PDIA2: variants seen among roughly 807,000 people sequenced by gnomAD.
PDIA2 encodes protein disulfide isomerase family A member 2, also known as protein disulfide-isomerase A2.
PDIA2 carries 76 observed loss-of-function variants against 51.1 expected under a neutral mutation model. The observed-to-expected ratio is 1.49, with a 90% confidence interval of 1.24 to 1.80. The LOEUF is 1.80. PDIA2 is among the 40% of genes most tolerant of loss of function. The pLI is 0.00. For missense variants in PDIA2, 946 were observed against 706.5 expected, an observed-to-expected ratio of 1.34 and a Z score of -3.84; for synonymous variants, 429 against 309.9, an observed-to-expected ratio of 1.38 and a Z score of -4.04.
Position 285,558 on chromosome 16 carries a change from A to G in PDIA2, c.974A>G (p.Tyr325Cys). ...GCCGACAATGAGCACGTGCTGCAGTACTTTGGACTCAAGGCTGAGGCAGCC... is the reference window on the plus strand; with the variant it reads ...GCCGACAATGAGCACGTGCTGCAGTGCTTTGGACTCAAGGCTGAGGCAGCC... ...VAADNEHVLQYFGLKAEAAPT... is the reference protein window; with the variant it reads ...VAADNEHVLQCFGLKAEAAPT... Residue 325 changes from tyrosine to cysteine, a missense_variant, in exon 7 of 11, where the codon TAC becomes TGC. By Grantham distance (194) the Tyr-to-Cys change is radical (BLOSUM62 -2). Coordinates refer to ENST00000219406, the MANE Select transcript of PDIA2 (RefSeq NM_006849.4). 1 of 1,613,042 alleles carries G rather than the reference A, an allele frequency of 6.2e-7. No individual in the cohort carries two copies.
rs1031317767 is a variant in PDIA2 at position 284,735 on chromosome 16, G to A, written c.483G>A (p.Glu161=). ...VGPSAMRLED[E]AAAQALIGGR... The stretch of plus-strand genomic sequence containing the variant: ...CCAGTGCCATGCGGCTGGAGGACGA[G>A]GCGGCCGCCCAGGCGCTGATCGGTG... The change falls in exon 3 of 11, where the codon GAG becomes GAA. Residue 161 remains glutamate, a synonymous_variant. Transcript: ENST00000219406. 6.4e-7 allele frequency: 1 copy of A among 1,564,032 alleles called. No homozygotes were observed. Among genetic ancestry groups the A allele is most frequent in the South Asian group, 1.2e-5 (1 of 85,026 alleles).
rs905325415 is a variant in PDIA2, at chr16:286,670, C to A, written c.1357C>A (p.Leu453Met). The change falls in exon 9 of 11, where the codon CTG becomes ATG. Residue 453 changes from leucine to methionine, a missense_variant. Leu to Met is a conservative substitution (Grantham distance 15, BLOSUM62 2). Coordinates refer to ENST00000219406, the MANE Select transcript of PDIA2 (RefSeq NM_006849.4). ...IAELDATANE[L>M]DAFAVHGFPT... ...TGAGCTGGATGCCACGGCCAACGAG[C>A]TGGATGCCTTCGCTGTGCACGGCTT... is the stretch of plus-strand genomic sequence containing the variant. 4 of 1,612,906 alleles carry A rather than the reference C, an allele frequency of 2.5e-6. No homozygotes were observed. The highest frequency in any genetic ancestry group is 3.4e-6 in the Non-Finnish European group (4 of 1,179,968).
At chr16:283,841 A>G (rs1414610100) in intron 1 of PDIA2, among the ~76,000 whole-genome samples, 1 of 152,174 alleles carries the variant, frequency 6.6e-6, no homozygotes, top group Non-Finnish European at 1.5e-5. Context: ...CCCCAGCCAT[A>G]CAAGGCACGA....
Position 284,176 on chromosome 16 carries a change from A to AG in PDIA2, c.200-204dup, listed in dbSNP as rs947460728. ...AGCCACTGAGCCTGGCTGTGGGGGG[A>AG]GGGGGGGTGGTCTTTCAAGCTCTCC... On this transcript the variant is annotated intron_variant, in intron 1 of 10. Transcript: ENST00000219406. 3.2e-4 allele frequency: 188 copies of AG among 580,366 alleles called. 1 individual carries two copies. Among genetic ancestry groups the AG allele is most frequent in the African/African-American group, 6.0e-4 (31 of 51,998 alleles). 36.0% of individuals were successfully genotyped at this position (580,366 alleles called of 1,614,324 possible).
At chr16:287,007 AGGGGCGGGGG>A in intron 10 of PDIA2, 52 bp from the exon 11 acceptor site, 8 of 1,612,070 alleles carry the variant, frequency 5.0e-6, no homozygotes, top group Middle Eastern at 1.7e-4. Flanking sequence ...CAGGGCTGGC[AGGGGCGGGGG>A]CAGGGGTAGG....
Position 285,640 on chromosome 16 carries a change from G to A in PDIA2, c.1056G>A (p.Gly352=), listed in dbSNP as rs761647990. The change falls in exon 7 of 11, where the codon GGG becomes GGA. Residue 352 remains glycine, a synonymous_variant. Coordinates refer to ENST00000219406, the MANE Select transcript of PDIA2 (RefSeq NM_006849.4). ...CTAAGAAGTATGCGCCTGTGGATGGGGGCCCTGTCACCGCAGCGTCCATCA... is the reference window on the plus strand; with the variant it reads ...CTAAGAAGTATGCGCCTGTGGATGGAGGCCCTGTCACCGCAGCGTCCATCA... ...ETTKKYAPVD[G]GPVTAASITA... The A allele has an allele frequency of 3.1e-6, 5 of 1,613,334 alleles. No individual in the cohort carries two copies. The South Asian group carries it at 3.3e-5, about 11-fold the overall frequency.
Position 285,129 on chromosome 16 carries a change from C to T in PDIA2, c.724C>T (p.Leu242=). The T allele has an allele frequency of 8.7e-6, 14 of 1,612,838 alleles. No individual in the cohort carries two copies. The highest frequency in any genetic ancestry group is 1.2e-5 in the Non-Finnish European group (14 of 1,179,786). The change falls in exon 5 of 11, where the codon CTG becomes TTG. Residue 242 remains leucine, a synonymous_variant. Coordinates refer to ENST00000219406, the MANE Select transcript of PDIA2 (RefSeq NM_006849.4). ...ADFPVDEELG[L]DLGDLSRFLV... ...CTTCCCCGTGGACGAGGAGCTTGGC[C>T]TGGACCTGGGGGATCTGTCGCGCTT...
chr16:285,890 A>ACCCC (rs1567250735), intron 7 of PDIA2, among the ~76,000 whole-genome samples, 187 bp downstream of exon 7: 2 of 80,078 alleles, frequency 2.5e-5, no homozygotes, highest in African/African-American at 6.0e-5. Context: ...CCCAACCCCA[A>ACCCC]ACCCGCGGTT....
intron 7 of PDIA2, among the ~76,000 whole-genome samples, chr16:286,073 G>GTCCCTCCCCTCACCAAACCCCACAGTTC (rs2052367763): frequency 8.6e-5 from 4 of 46,466 alleles, no homozygotes; most frequent in Non-Finnish European, 1.9e-4. Context: ...CCCCACAGAG[G>GTCCCTCCCCTCACCAAACCCCACAGTTC]TCCCTCCCCC....
chr16:283,863 CTTTTTA>C (rs1211066505), intron 1 of PDIA2, among the ~76,000 whole-genome samples: 2 of 152,086 alleles, frequency 1.3e-5, no homozygotes, highest in African/African-American at 4.8e-5. Context: ...AGGGAGGGGT[CTTTTTA>C]TTTTTATTTT....
chr16:284,023 C>A (rs1371019334), intron 1 of PDIA2: 1 of 330,302 alleles, frequency 3.0e-6, no homozygotes, highest in South Asian at 2.9e-5. Context: ...CGCAACCAAT[C>A]CCGGCTAATA....
intron 1 of PDIA2, 89 bp downstream of exon 1, chr16:283,457 C>T (rs2052312743): frequency 3.6e-6 from 5 of 1,372,310 alleles, no homozygotes; most frequent in Non-Finnish European, 1.9e-6. Context: ...AAATGCAGGG[C>T]ATGTGCCCAA....
At position 286,384 on chromosome 16, in the gene PDIA2, A is replaced by C. The variant is rs2052379697; in HGVS notation, c.1151A>C (p.Asp384Ala). 6.2e-7 allele frequency: 1 copy of C among 1,607,660 alleles called. No homozygotes were observed. The highest frequency in any genetic ancestry group is 1.4e-5 in the African/African-American group (1 of 72,718). ...CTCCTGAGCCAGGAGATACCCCCTG[A>C]TTGGGATCAGCGGCCAGTTAAGACC... is the stretch of plus-strand genomic sequence containing the variant. ...PYLLSQEIPPDWDQRPVKTLV... is the reference protein window; with the variant it reads ...PYLLSQEIPPAWDQRPVKTLV... Residue 384 changes from aspartate (D) to alanine (A), a missense_variant, in exon 8 of 11, where the codon GAT becomes GCT. Transcript: ENST00000219406.
Position 286,415 on chromosome 16 carries a change from G to A in PDIA2, c.1182G>A (p.Val394=), listed in dbSNP as rs1365353460. The change falls in exon 8 of 11, where the codon GTG becomes GTA. Residue 394 remains valine, a synonymous_variant. Transcript: ENST00000219406. ...ATCAGCGGCCAGTTAAGACCCTCGT[G>A]GGCAAGAATTTTGAGCAGGTGGCTT... ...DWDQRPVKTL[V]GKNFEQVAFD... is the part of the protein sequence containing the mutation. 6.2e-7 allele frequency: 1 copy of A among 1,612,584 alleles called. No homozygotes were observed. Among genetic ancestry groups the A allele is most frequent in the Non-Finnish European group, 8.5e-7 (1 of 1,179,812 alleles).
rs2052307468 is a variant in PDIA2, at chr16:283,179, C to T, written c.10C>T (p.Gln4Ter). Residue 4 changes from glutamine to a stop codon, truncating the protein, a stop_gained, in exon 1 of 11, where the codon CAG (glutamine) becomes TAG (stop). Transcript: ENST00000219406. LOFTEE classifies it high-confidence loss of function. MSR[Q>*]LLPVLLLLLL... Reference sequence around the variant, plus strand: ...GCGCCCTGGCAGCACCATGAGCCGCCAGCTTCTGCCTGTACTGCTGCTGCT... The same window carrying T: ...GCGCCCTGGCAGCACCATGAGCCGCTAGCTTCTGCCTGTACTGCTGCTGCT... The T allele has an allele frequency of 1.3e-6, 2 of 1,542,992 alleles. No homozygotes were observed. Among genetic ancestry groups the T allele is most frequent in the Non-Finnish European group, 8.7e-7 (1 of 1,146,584 alleles).
chr16:285,359 G>C lies in PDIA2; in HGVS notation c.843G>C (p.Leu281=). 2 of 1,612,854 alleles carry C rather than the reference G, an allele frequency of 1.2e-6. No individual in the cohort carries two copies. The highest frequency in any genetic ancestry group is 1.7e-6 in the Non-Finnish European group (2 of 1,179,902). Residue 281 remains leucine, a synonymous_variant, in exon 6 of 11, where the codon CTG becomes CTC. Coordinates refer to ENST00000219406, the MANE Select transcript of PDIA2 (RefSeq NM_006849.4). The part of the protein sequence containing the change: ...FAARILNHLL[L]FVNQTLAAHR... Reference sequence around the variant, plus strand: ...CCAGGATCCTCAACCACCTGCTGCTGTTTGTCAACCAGACGCTGGCTGCGC... The same window carrying C: ...CCAGGATCCTCAACCACCTGCTGCTCTTTGTCAACCAGACGCTGGCTGCGC...
intron 1 of PDIA2, among the ~76,000 whole-genome samples, chr16:283,895 G>T (rs2052318437): frequency 1.3e-5 from 2 of 152,114 alleles, no homozygotes; most frequent in African/African-American, 4.8e-5. Flanking sequence ...ATGGAGTTTT[G>T]CTTTTGTCGC....
rs746819708 is a variant in PDIA2 at position 285,514 on chromosome 16, C to G, written c.930C>G (p.Phe310Leu). The change falls in exon 7 of 11, where the codon TTC becomes TTG. Residue 310 changes from phenylalanine (F) to leucine (L), a missense_variant. Physicochemically the swap from Phe to Leu is conservative, Grantham distance 22. Transcript: ENST00000219406. ...AAPRFRGQVL[F>L]VVVDVAADNE... ...TGGACTCCCTGCCACAGGTGCTGTT[C>G]GTGGTGGTGGACGTGGCGGCCGACA... The G allele has an allele frequency of 1.2e-6, 2 of 1,612,884 alleles. No individual in the cohort carries two copies. The highest frequency in any genetic ancestry group is 2.2e-5 in the East Asian group (1 of 44,872).
rs746934284 is a variant in PDIA2, at chr16:286,878, A to T, written c.1466A>T (p.Lys489Met). ...ACCAGGGACCTGGAGACTTTCTCCA[A>T]GTTCCTGGACAACGGGGGCGTGCTG... ...KSTRDLETFS[K>M]FLDNGGVLPT... The change falls in exon 10 of 11, where the codon AAG (lysine) becomes ATG (methionine). Residue 489 changes from lysine to methionine, a missense_variant. Transcript: ENST00000219406. 39 of 1,606,994 alleles carry T rather than the reference A, an allele frequency of 2.4e-5. 1 individual carries two copies. Among genetic ancestry groups the T allele is most frequent in the Middle Eastern group, 3.3e-4 (2 of 6,030 alleles).
Sources: allele counts gnomAD v4.1 joint callset (sites outside exome capture counted in the v4.1 genomes callset), GRCh38; gene constraint gnomAD v4.1.1; transcripts MANE v1.5; gene names NCBI Gene and HGNC (gene_info 2026-07-23, HGNC 2026-07-21).